TBC1D4: variants seen among roughly 807,000 people sequenced by gnomAD.
TBC1D4 encodes the protein TBC (Tre-2, BUB2, CDC16) domain-containing protein.
Under a neutral mutation model 142.5 loss-of-function variants are expected in TBC1D4, and 121 were observed. The observed-to-expected ratio is 0.85, with a 90% CI of 0.73 to 0.99. TBC1D4 has a LOEUF of 0.99. TBC1D4 is among the 50% of genes least tolerant of loss of function. The probability of loss-of-function intolerance (pLI) is 0.00; values close to 1 mark genes in which losing one functional copy is unlikely to be tolerated. For synonymous variants in TBC1D4, 630 were observed against 628.2 expected, an observed-to-expected ratio of 1.00 and a Z score of -0.04; for missense variants, 1,475 against 1,606.6, an observed-to-expected ratio of 0.92 and a Z score of 1.40.
chr13:75,348,156 C>CA (rs907381117), intron 5 of TBC1D4, among the ~76,000 whole-genome samples: 82 of 147,028 alleles, frequency 5.6e-4, no homozygotes, highest in African/African-American at 1.3e-3. Flanking sequence ...AAACAAACAA[C>CA]AAAAAAAAAA....
intron 1 of TBC1D4, among the ~76,000 whole-genome samples, chr13:75,381,979 C>G (rs555862362): frequency 5.9e-5 from 9 of 152,162 alleles, no homozygotes; most frequent in Non-Finnish European, 1.3e-4. Flanking sequence ...TGTAACAGCA[C>G]AGAAAGAGTT....
intron 17 of TBC1D4, 32 bp from the exon 18 acceptor site, chr13:75,295,045 T>G (rs369496249): frequency 1.9e-6 from 3 of 1,607,026 alleles, no homozygotes; most frequent in Non-Finnish European, 1.7e-6. Context: ...AAAAAAATAT[T>G]ATGCATTTAT....
At chr13:75,389,318 C>T (rs1025049753) in intron 1 of TBC1D4, among the ~76,000 whole-genome samples, 9 of 152,172 alleles carry the variant, frequency 5.9e-5, no homozygotes, top group Non-Finnish European at 8.8e-5. Flanking sequence ...GAATTATAAA[C>T]AGCCTTGAAA....
chr13:75,358,469 G>A (rs1264333132), intron 3 of TBC1D4, among the ~76,000 whole-genome samples: 1 of 152,140 alleles, frequency 6.6e-6, no homozygotes, highest in Non-Finnish European at 1.5e-5. Context: ...TCTACACAAT[G>A]TAATTTTATG....
At chr13:75,404,944 T>C (rs1319533774) in intron 1 of TBC1D4, among the ~76,000 whole-genome samples, 1 of 152,186 alleles carries the variant, frequency 6.6e-6, no homozygotes. Flanking sequence ...AGCCGTGCAA[T>C]TGATTTGACA....
In TBC1D4 at chr13:75,481,828, G is replaced by C; in HGVS notation, c.-61C>G. 7.1e-7 allele frequency: 1 copy of C among 1,417,436 alleles called. No individual in the cohort carries two copies. The highest frequency in any genetic ancestry group is 9.1e-7 in the Non-Finnish European group (1 of 1,094,852). 87.8% of individuals were successfully genotyped at this position (1,417,436 alleles called of 1,614,324 possible). On this transcript the variant is annotated 5_prime_UTR_variant, in exon 1 of 21. Coordinates refer to ENST00000377636, the MANE Select transcript of TBC1D4 (RefSeq NM_014832.5). Reference sequence around the variant, plus strand: ...CGGGCGCACCGCGCCCCCCACTCCCGCGCAGAAGGCGCCGCCGAAACTGTG... The same window carrying C: ...CGGGCGCACCGCGCCCCCCACTCCCCCGCAGAAGGCGCCGCCGAAACTGTG...
chr13:75,375,339 A>G (rs896607871), intron 1 of TBC1D4, among the ~76,000 whole-genome samples: 6 of 152,146 alleles, frequency 3.9e-5, no homozygotes, highest in African/African-American at 1.4e-4. Context: ...GTCCTTTCAC[A>G]TAGGTGATAG....
intron 1 of TBC1D4, among the ~76,000 whole-genome samples, chr13:75,425,822 A>G (rs1230884372): frequency 6.6e-6 from 1 of 152,170 alleles, no homozygotes; most frequent in South Asian, 2.1e-4. Context: ...AGAGGCACTG[A>G]TAAGATGTTA....
chr13:75,439,205 T>C (rs1010707437), intron 1 of TBC1D4, among the ~76,000 whole-genome samples: 1 of 152,208 alleles, frequency 6.6e-6, no homozygotes, highest in Non-Finnish European at 1.5e-5. Flanking sequence ...TAAATTTCTT[T>C]ATGCTTCATA....
At chr13:75,397,039 T>A (rs1884830887) in intron 1 of TBC1D4, among the ~76,000 whole-genome samples, 1 of 152,012 alleles carries the variant, frequency 6.6e-6, no homozygotes, top group African/African-American at 2.4e-5. Flanking sequence ...ACAGGACAAC[T>A]GAGGGCCCTA....
intron 5 of TBC1D4, among the ~76,000 whole-genome samples, chr13:75,343,300 C>T (rs564879933): frequency 6.6e-6 from 1 of 152,320 alleles, no homozygotes; most frequent in Admixed American, 6.5e-5. Flanking sequence ...AGAAAGCACA[C>T]AGTACTGCCA....
At chr13:75,298,957 C>G (rs561660102) in intron 17 of TBC1D4, among the ~76,000 whole-genome samples, 3 of 152,246 alleles carry the variant, frequency 2.0e-5, no homozygotes, top group African/African-American at 7.2e-5. Context: ...AGATTGTAAA[C>G]AAAAGATCTG....
intron 11 of TBC1D4, 152 bp downstream of exon 11, chr13:75,324,085 G>A (rs1879009463): frequency 1.2e-6 from 1 of 851,370 alleles, no homozygotes; most frequent in African/African-American, 1.7e-5. Context: ...AAATTAATTG[G>A]GATTGAAACC....
intron 6 of TBC1D4, 27 bp downstream of exon 6, chr13:75,341,467 TTA>T: frequency 1.9e-6 from 3 of 1,601,806 alleles, no homozygotes; most frequent in Non-Finnish European, 2.6e-6. Context: ...TCCTTATGTC[TTA>T]TTTATGAGAC....
Position 75,481,699 on chromosome 13 carries a change from T to C in TBC1D4, c.69A>G (p.Ser23=), listed in dbSNP as rs773845888. The change falls in exon 1 of 21, where the codon TCA becomes TCG. Residue 23 remains serine, a synonymous_variant. Transcript: ENST00000377636. ...PHPLEPEPGV[S]AQPGPGKPSD... ...TTGGCTTCCCGGGGCCGGGCTGAGCTGAGACGCCCGGCTCGGGCTCCAGGG... is the reference window on the plus strand; with the variant it reads ...TTGGCTTCCCGGGGCCGGGCTGAGCCGAGACGCCCGGCTCGGGCTCCAGGG... 5 of 1,597,158 alleles carry C rather than the reference T, an allele frequency of 3.1e-6. No homozygotes were observed. The East Asian group carries it at 1.1e-4, about 36-fold the overall frequency.
Position 75,302,316 on chromosome 13 carries a change from C to T in TBC1D4, c.2838G>A (p.Gln946=). 5 of 1,614,170 alleles carry T rather than the reference C, an allele frequency of 3.1e-6. No homozygotes were observed. The highest frequency in any genetic ancestry group is 4.2e-6 in the Non-Finnish European group (5 of 1,180,020). ...GTTCCTTATAGGATATGTCAGGAGG[C>T]TGTTGTTTATTAGGCAATCTGTGTC... The part of the protein sequence containing the change: ...RLRHRLPNKQ[Q]PPDISYKELL... The change falls in exon 16 of 21, where the codon CAG becomes CAA. Residue 946 remains glutamine (Q), a synonymous_variant. Transcript: ENST00000377636.
intron 1 of TBC1D4, among the ~76,000 whole-genome samples, chr13:75,470,515 GA>G (rs1481354541): frequency 6.6e-6 from 1 of 152,144 alleles, no homozygotes; most frequent in Non-Finnish European, 1.5e-5. Context: ...ACGTCCAAGG[GA>G]GGAGTCCTAA....
intron 14 of TBC1D4, among the ~76,000 whole-genome samples, chr13:75,309,034 A>G (rs1877475052): frequency 1.3e-5 from 2 of 152,200 alleles, no homozygotes; most frequent in African/African-American, 4.8e-5. Flanking sequence ...AAAGACCACA[A>G]AATAAAGGCA....
rs752461924 is a variant in TBC1D4 at position 75,310,111 on chromosome 13, G to C, written c.2424C>G (p.Leu808=). 2.5e-6 allele frequency: 4 copies of C among 1,614,106 alleles called. No individual in the cohort carries two copies. Among genetic ancestry groups the C allele is most frequent in the African/African-American group, 2.7e-5 (2 of 75,068 alleles). ...GCGGTTCCTCCTCCATGGTTGGAGA[G>C]AGGGGGGACAGTGGCAGCAGCTCGT... ...DRNELLPLSP[L]SPTMEEEPLV... Residue 808 remains leucine (L), a synonymous_variant, in exon 14 of 21, where the codon CTC becomes CTG. Coordinates refer to ENST00000377636, the MANE Select transcript of TBC1D4 (RefSeq NM_014832.5).
Sources: gnomAD v4.1 joint callset for allele counts (sites outside exome capture counted in the v4.1 genomes callset) on GRCh38, gnomAD v4.1.1 for gene constraint, MANE v1.5 for transcripts, NCBI Gene and HGNC (gene_info 2026-07-23, HGNC 2026-07-21) for gene names.